Variants in LIN7A observed in about 807,000 individuals in gnomAD.
LIN7A encodes lin-7 cell polarity scaffold A.
In LIN7A, 25 loss-of-function variants were observed where a neutral mutation model predicts 29.8. That is an observed-to-expected ratio of 0.84 (90% CI 0.61 to 1.17). LIN7A has a LOEUF of 1.17. Ranked by LOEUF, LIN7A falls within the 50% of genes most tolerant of loss-of-function variation. The pLI is 0.00. For missense variants in LIN7A, 239 were observed against 287.0 expected, an observed-to-expected ratio of 0.83 and a Z score of 1.21; for synonymous variants, 118 against 107.5, an observed-to-expected ratio of 1.10 and a Z score of -0.60.
In LIN7A at chr12:80,855,204, T is replaced by A. The variant is rs977502009; in HGVS notation, c.202-6882A>T. On this transcript the variant is annotated intron_variant, in intron 2 of 5. Transcript: ENST00000552864. ...AGAGGGAAAAAAGTGAAAAGACATA[T>A]AATAGGTATTATCAGAGCAAATGAA... 8.5e-5 allele frequency among the ~76,000 whole-genome samples: 13 copies of A among 152,132 alleles called. No individual in the cohort carries two copies. The South Asian group carries it at 1.2e-3, about 15-fold the overall frequency.
chr12:80,853,458 G>A (rs1873433907), intron 2 of LIN7A, among the ~76,000 whole-genome samples: 1 of 152,070 alleles, frequency 6.6e-6, no homozygotes, highest in South Asian at 2.1e-4. Context: ...ATAAAGAACT[G>A]TCAAAAGCCA....
At chr12:80,895,746 T>C (rs557536545) in intron 1 of LIN7A, among the ~76,000 whole-genome samples, 30 of 152,318 alleles carry the variant, frequency 2.0e-4, no homozygotes, top group African/African-American at 7.0e-4. Flanking sequence ...GCACCCTTCC[T>C]CTTTCCCCTT....
intron 2 of LIN7A, among the ~76,000 whole-genome samples, chr12:80,850,863 A>G (rs1235901904): frequency 6.6e-6 from 1 of 152,202 alleles, no homozygotes; most frequent in Non-Finnish European, 1.5e-5. Flanking sequence ...TATATATTTA[A>G]TGAGAAATCA....
chr12:80,867,888 A>G (rs1350060023), intron 2 of LIN7A, among the ~76,000 whole-genome samples: 2 of 152,220 alleles, frequency 1.3e-5, no homozygotes, highest in Admixed American at 6.5e-5. Context: ...ATACACAGAA[A>G]TGTAATGTAT....
At chr12:80,878,094 T>C (rs1297905723) in intron 2 of LIN7A, among the ~76,000 whole-genome samples, 1 of 152,188 alleles carries the variant, frequency 6.6e-6, no homozygotes, top group Non-Finnish European at 1.5e-5. Flanking sequence ...ATAGAAAGGC[T>C]TGGGCTGAGC....
intron 5 of LIN7A, among the ~76,000 whole-genome samples, chr12:80,802,984 T>C (rs1045114217): frequency 2.6e-5 from 4 of 152,220 alleles, no homozygotes; most frequent in Non-Finnish European, 4.4e-5. Context: ...GATTGGGTTA[T>C]TTGTTTTCTT....
At position 80,812,435 on chromosome 12, in the gene LIN7A, A is replaced by G. The variant is rs1353028559; in HGVS notation, c.484-752T>C. 8.0e-5 allele frequency among the ~76,000 whole-genome samples: 11 copies of G among 138,096 alleles called. No individual in the cohort carries two copies. The Admixed American group carries it at 8.5e-4, about 11-fold the overall frequency. The allele number at this position is 138,096 out of a possible 152,430, so 90.6% of individuals were successfully genotyped here. A position where few individuals can be genotyped will look rare whatever the true frequency, so the allele number is the denominator to read the frequency against. On this transcript the variant is annotated intron_variant, in intron 4 of 5. Coordinates refer to ENST00000552864, the MANE Select transcript of LIN7A (RefSeq NM_004664.4). ...TCAGATGTGCACAGTGTAAGTTTCT[A>G]TGTCTCAAACACTGTAAAAAAAAAA...
intron 4 of LIN7A, among the ~76,000 whole-genome samples, chr12:80,831,455 AT>A (rs1379831882): frequency 1.3e-5 from 2 of 152,204 alleles, no homozygotes; most frequent in Non-Finnish European, 2.9e-5. Flanking sequence ...TAATGAATAT[AT>A]TTGATTTGTT....
At chr12:80,848,120 A>G in intron 3 of LIN7A, 131 bp downstream of exon 3, 1 of 730,244 alleles carries the variant, frequency 1.4e-6, no homozygotes, top group Non-Finnish European at 2.5e-6. Context: ...TACTGGTTCT[A>G]GACTCTGGGC....
intron 2 of LIN7A, among the ~76,000 whole-genome samples, chr12:80,881,455 G>A (rs1427754651): frequency 6.6e-6 from 1 of 152,068 alleles, no homozygotes; most frequent in Non-Finnish European, 1.5e-5. Context: ...AGATGTCATT[G>A]TGCAAGGATA....
chr12:80,848,331 T>C lies in LIN7A; in HGVS notation c.202-9A>G. On this transcript the variant is annotated splice_polypyrimidine_tract_variant and intron_variant, in intron 2 of 5. Coordinates refer to ENST00000552864, the MANE Select transcript of LIN7A (RefSeq NM_004664.4). ...TGCATATATTGATACACCTAAAATG[T>C]TCACATAAAAAGAAGAATGTGTAAG... The C allele has an allele frequency of 6.3e-7, 1 of 1,585,030 alleles. No individual in the cohort carries two copies. Among genetic ancestry groups the C allele is most frequent in the South Asian group, 1.1e-5 (1 of 90,394 alleles).
At chr12:80,897,829 G>C (rs907316554) in intron 1 of LIN7A, among the ~76,000 whole-genome samples, 1 of 151,884 alleles carries the variant, frequency 6.6e-6, no homozygotes, top group African/African-American at 2.4e-5. Context: ...ATTGTTTCTT[G>C]AATATAATTG....
chr12:80,900,900 T>G (rs778286334), intron 1 of LIN7A, among the ~76,000 whole-genome samples: 3 of 152,202 alleles, frequency 2.0e-5, no homozygotes, highest in Non-Finnish European at 2.9e-5. Flanking sequence ...CTTTTTATAA[T>G]GATTAAATAT....
chr12:80,813,925 A>C (rs978709397), intron 4 of LIN7A, among the ~76,000 whole-genome samples: 2 of 152,100 alleles, frequency 1.3e-5, no homozygotes, highest in African/African-American at 4.8e-5. Flanking sequence ...AAGGTTAAAG[A>C]GTGTCAGACG....
In LIN7A at chr12:80,792,887, A is replaced by G. The variant is rs767270903; in HGVS notation, c.*4840T>C. On this transcript the variant is annotated 3_prime_UTR_variant, in exon 6 of 6. Transcript: ENST00000552864. ...TTTAACCATGTTCCTGGCTTCACAT[A>G]TTCTTCTTAAGAGTAAGCTATAACA... 1 of 152,194 alleles carries G rather than the reference A, an allele frequency of 6.6e-6. No homozygotes were observed. The highest frequency in any genetic ancestry group is 2.1e-4 in the South Asian group (1 of 4,832). The allele number at this position is 152,194 out of a possible 1,614,324, so 9.4% of individuals were successfully genotyped here. A position where few individuals can be genotyped will look rare whatever the true frequency, so the allele number is the denominator to read the frequency against.
chr12:80,860,528 CT>C (rs1873812382), intron 2 of LIN7A, among the ~76,000 whole-genome samples: 1 of 152,242 alleles, frequency 6.6e-6, no homozygotes, highest in African/African-American at 2.4e-5. Flanking sequence ...ATAGAGATCA[CT>C]TTCCTTTCCT....
intron 2 of LIN7A, among the ~76,000 whole-genome samples, chr12:80,873,753 T>TG (rs1235385766): frequency 2.6e-5 from 4 of 152,008 alleles, no homozygotes; most frequent in Non-Finnish European, 2.9e-5. Flanking sequence ...CGTATGTTAC[T>TG]GGGGGGTCTC....
Position 80,854,856 on chromosome 12 carries a change from T to A in LIN7A, c.202-6534A>T, listed in dbSNP as rs1198277849. On this transcript the variant is annotated intron_variant, in intron 2 of 5. Transcript: ENST00000552864. ...ATGAAAATATTCAGAAACTTAATCA[T>A]GATTTCAGAAGCTAAAAGTAAGGGT... 2.0e-5 allele frequency among the ~76,000 whole-genome samples: 3 copies of A among 152,160 alleles called. No individual in the cohort carries two copies. In the East Asian group the frequency reaches 5.8e-4, roughly 29 times the overall value.
chr12:80,863,728 T>G (rs1373607826), intron 2 of LIN7A, among the ~76,000 whole-genome samples: 2 of 152,174 alleles, frequency 1.3e-5, no homozygotes, highest in African/African-American at 4.8e-5. Flanking sequence ...AAGCATTTTT[T>G]TAAGGATCAA....
Sources: gnomAD v4.1 joint callset for allele counts (sites outside exome capture counted in the v4.1 genomes callset) on GRCh38, gnomAD v4.1.1 for gene constraint, MANE v1.5 for transcripts, NCBI Gene and HGNC (gene_info 2026-07-23, HGNC 2026-07-21) for gene names.